Variants in RBFOX1 observed in about 807,000 individuals in gnomAD.
The protein encoded by RBFOX1 is RNA binding protein fox-1 homolog 1.
Under a neutral mutation model 57.7 loss-of-function variants are expected in RBFOX1, and 8 were observed. The observed-to-expected ratio is 0.14, with a 90% confidence interval of 0.08 to 0.25. The LOEUF (loss-of-function observed/expected upper bound fraction) is 0.25. Ranked by LOEUF, RBFOX1 falls within the 10% of genes least tolerant of loss-of-function variation. The probability of loss-of-function intolerance (pLI) is 1.00; values close to 1 mark genes in which losing one functional copy is unlikely to be tolerated. For missense variants in RBFOX1, 611 were observed against 548.5 expected, an observed-to-expected ratio of 1.11 and a Z score of -1.14; for synonymous variants, 326 against 222.4, an observed-to-expected ratio of 1.47 and a Z score of -4.15.
intron 4 of RBFOX1, among the ~76,000 whole-genome samples, chr16:5,929,997 C>T (rs2059016450): frequency 6.6e-6 from 1 of 151,444 alleles, no homozygotes; most frequent in Non-Finnish European, 1.5e-5. Flanking sequence ...CACTACGAAG[C>T]AGGTGTGAGT....
intron 3 of RBFOX1, among the ~76,000 whole-genome samples, chr16:6,880,363 T>C (rs73542587): frequency 1.3e-5 from 2 of 152,260 alleles, no homozygotes; most frequent in African/African-American, 4.8e-5. Context: ...TTTAGTATTA[T>C]ACTTTCCACT....
intron 1 of RBFOX1, among the ~76,000 whole-genome samples, chr16:6,116,310 C>G (rs1346993901): frequency 1.3e-5 from 2 of 152,054 alleles, no homozygotes; most frequent in Non-Finnish European, 1.5e-5. Context: ...GAAGAGATCC[C>G]TAATGTAGAT....
chr16:7,455,972 A>G (rs931484390), intron 4 of RBFOX1, among the ~76,000 whole-genome samples: 6 of 152,142 alleles, frequency 3.9e-5, no homozygotes, highest in African/African-American at 1.2e-4. Flanking sequence ...GTCAAGTTCA[A>G]TCCCTTTTAT....
At chr16:6,312,673 C>T (rs1012378841) in intron 1 of RBFOX1, among the ~76,000 whole-genome samples, 1 of 131,414 alleles carries the variant, frequency 7.6e-6, no homozygotes. Flanking sequence ...TCCTTCCTTC[C>T]TTCCTTCCTT....
At chr16:5,337,175 C>T (rs74706671) in intron 1 of RBFOX1, among the ~76,000 whole-genome samples, 388 of 152,322 alleles carry the variant, frequency 2.5e-3, no homozygotes, top group African/African-American at 8.7e-3. Context: ...ACAAAAGAAC[C>T]TCCCCCTCAC....
At chr16:6,301,947 G>T (rs1269304955) in intron 1 of RBFOX1, among the ~76,000 whole-genome samples, 4 of 152,128 alleles carry the variant, frequency 2.6e-5, no homozygotes, top group Admixed American at 6.6e-5. Flanking sequence ...GTTCCAAGGG[G>T]TCTGTAAATG....
chr16:7,647,213 G>A lies in RBFOX1; in HGVS notation c.758-6602G>A, dbSNP rs1003908913. ...TGCTCTGTATATAAATCTAGCTGAA[G>A]GGTGAGAGTGGGTGGGCTGGAAATT... is the stretch of plus-strand genomic sequence containing the variant. On this transcript the variant is annotated intron_variant, in intron 11 of 15. Coordinates refer to ENST00000550418, the MANE Select transcript of RBFOX1 (RefSeq NM_018723.4). 6.6e-5 allele frequency among the ~76,000 whole-genome samples: 10 copies of A among 152,170 alleles called. 1 individual carries two copies. The highest frequency in any genetic ancestry group is 3.9e-4 in the Admixed American group (6 of 15,274).
chr16:6,376,042 AG>A (rs2091132951), intron 2 of RBFOX1, among the ~76,000 whole-genome samples: 1 of 152,152 alleles, frequency 6.6e-6, no homozygotes, highest in Admixed American at 6.5e-5. Flanking sequence ...CCACTTGTAT[AG>A]GGGTACATTC....
chr16:7,005,027 C>A (rs2093174124), intron 3 of RBFOX1, among the ~76,000 whole-genome samples: 1 of 152,124 alleles, frequency 6.6e-6, no homozygotes, highest in Admixed American at 6.5e-5. Context: ...GCCTGTTATC[C>A]CAGCTACTTG....
At chr16:5,680,624 G>GCCAC (rs1222065585) in intron 3 of RBFOX1, among the ~76,000 whole-genome samples, 6 of 152,204 alleles carry the variant, frequency 3.9e-5, no homozygotes, top group African/African-American at 1.4e-4. Flanking sequence ...GGCTGTTAAA[G>GCCAC]TCAGCGGAGT....
At chr16:5,985,815 C>T (rs1455524446) in intron 4 of RBFOX1, among the ~76,000 whole-genome samples, 2 of 152,168 alleles carry the variant, frequency 1.3e-5, no homozygotes, top group Non-Finnish European at 2.9e-5. Flanking sequence ...CTGGCTGCCT[C>T]TGGGGGCGCA....
At chr16:5,548,090 G>T (rs933358489) in intron 2 of RBFOX1, among the ~76,000 whole-genome samples, 17 of 149,956 alleles carry the variant, frequency 1.1e-4, no homozygotes, top group Non-Finnish European at 1.0e-4. Context: ...GAACCAGTGC[G>T]GTGGAGGTTG....
At position 5,565,630 on chromosome 16, in the gene RBFOX1, A is replaced by AC. The variant is rs1567236277; in HGVS notation, c.259-33272_259-33271insC. On this transcript the variant is annotated intron_variant, in intron 2 of 2. Transcript: ENST00000585867. ...ATAAGAGCGAAACTCTGCCTTACAT[A>AC]AATAAATAAATAAATAAATAAATAA... Among the ~76,000 whole-genome samples the AC allele has an allele frequency of 3.5e-4, 23 of 64,902 alleles. No individual in the cohort carries two copies. In the East Asian group the frequency reaches 3.8e-3, roughly 11 times the overall value. The allele number at this position is 64,902 out of a possible 152,430, so 42.6% of individuals were successfully genotyped here. A position where few individuals can be genotyped will look rare whatever the true frequency, so the allele number is the denominator to read the frequency against.
intron 4 of RBFOX1, among the ~76,000 whole-genome samples, chr16:7,195,557 A>G (rs1022027316): frequency 1.3e-5 from 2 of 151,926 alleles, no homozygotes; most frequent in Admixed American, 6.6e-5. Context: ...GTATTTATTT[A>G]TTTGTTTGTT....
chr16:7,651,868 T>G (rs1472327512), intron 11 of RBFOX1, among the ~76,000 whole-genome samples: 2 of 152,334 alleles, frequency 1.3e-5, no homozygotes, highest in East Asian at 3.9e-4. Flanking sequence ...GGACACAGTT[T>G]GGGAAACAAT....
At chr16:7,259,259 C>G (rs2094821531) in intron 4 of RBFOX1, among the ~76,000 whole-genome samples, 1 of 152,140 alleles carries the variant, frequency 6.6e-6, no homozygotes, top group South Asian at 2.1e-4. Context: ...AAGGCTTTCG[C>G]TAGTAGGAAA....
chr16:5,351,590 G>A (rs2065263664), intron 1 of RBFOX1, among the ~76,000 whole-genome samples: 1 of 152,180 alleles, frequency 6.6e-6, no homozygotes, highest in Admixed American at 6.5e-5. Context: ...AAATTTCATT[G>A]CAAATATTTA....
intron 1 of RBFOX1, among the ~76,000 whole-genome samples, chr16:5,365,418 A>AG (rs1300838824): frequency 6.6e-6 from 1 of 152,236 alleles, no homozygotes; most frequent in Non-Finnish European, 1.5e-5. Context: ...CTGTAATCCC[A>AG]GCACTTTGGG....
At chr16:5,458,190 A>C (rs967373508) in intron 1 of RBFOX1, among the ~76,000 whole-genome samples, 1 of 152,236 alleles carries the variant, frequency 6.6e-6, no homozygotes, top group African/African-American at 2.4e-5. Flanking sequence ...TACATTTTAA[A>C]AATTAAGTGC....
Sources: gnomAD v4.1 joint callset for allele counts (sites outside exome capture counted in the v4.1 genomes callset) on GRCh38, gnomAD v4.1.1 for gene constraint, MANE v1.5 for transcripts, NCBI Gene and HGNC (gene_info 2026-07-23, HGNC 2026-07-21) for gene names.